Variants in SEPTIN7 observed in about 807,000 individuals in gnomAD.
SEPTIN7 encodes the protein septin-7.
In SEPTIN7, 10 loss-of-function variants were observed where a neutral mutation model predicts 63.3. The observed-to-expected ratio is 0.16, with a 90% CI of 0.10 to 0.27. SEPTIN7 has a LOEUF of 0.27. SEPTIN7 is among the 10% of genes least tolerant of loss of function. The probability of loss-of-function intolerance (pLI) is 1.00; values close to 1 mark genes in which losing one functional copy is unlikely to be tolerated. For synonymous variants in SEPTIN7, 131 were observed against 165.3 expected (o/e 0.79, Z 1.59); for missense variants, 310 against 521.0 (o/e 0.59, Z 3.94).
intron 4 of SEPTIN7, among the ~76,000 whole-genome samples, chr7:35,870,841 A>G (rs1318764950): frequency 6.6e-6 from 1 of 151,872 alleles, no homozygotes; most frequent in Non-Finnish European, 1.5e-5. Context: ...AAAAAAAAAA[A>G]AAATGTTTTT....
the SEPTIN7 span, among the ~76,000 whole-genome samples, chr7:35,913,781 G>A: frequency 2.0e-5 from 3 of 152,058 alleles, no homozygotes; most frequent in Non-Finnish European, 4.4e-5. Flanking sequence ...GTAGTAACAG[G>A]ATTTCACCAC....
chr7:35,901,223 C>G (rs1423938167), intron 12 of SEPTIN7: 1 of 152,136 alleles, frequency 6.6e-6, no homozygotes, highest in Non-Finnish European at 1.5e-5. Flanking sequence ...TTGCCCATCT[C>G]TCCTTTATAG....
At chr7:35,849,541 G>T (rs1784854435) in intron 3 of SEPTIN7, among the ~76,000 whole-genome samples, 1 of 152,148 alleles carries the variant, frequency 6.6e-6, no homozygotes, top group Non-Finnish European at 1.5e-5. Context: ...ACGGACTGTG[G>T]GTTGGGGATG....
At chr7:35,892,024 A>G (rs1276459299) in intron 11 of SEPTIN7, among the ~76,000 whole-genome samples, 1 of 152,218 alleles carries the variant, frequency 6.6e-6, no homozygotes. Context: ...GCCACTGGGC[A>G]GTAGGAATCT....
intron 10 of SEPTIN7, among the ~76,000 whole-genome samples, chr7:35,889,420 C>T (rs1396155499): frequency 6.6e-6 from 1 of 151,978 alleles, no homozygotes; most frequent in African/African-American, 2.4e-5. Context: ...AATGTCAGTA[C>T]GAAATGAATC....
intron 11 of SEPTIN7, among the ~76,000 whole-genome samples, chr7:35,896,792 T>C (rs1430034573): frequency 6.6e-6 from 1 of 152,238 alleles, no homozygotes; most frequent in African/African-American, 2.4e-5. Flanking sequence ...AAGTTTTCTT[T>C]TAGTGAAGAA....
At chr7:35,821,885 T>G (rs914388500) in intron 1 of SEPTIN7, among the ~76,000 whole-genome samples, 1 of 152,144 alleles carries the variant, frequency 6.6e-6, no homozygotes, top group Non-Finnish European at 1.5e-5. Flanking sequence ...TTCAGATGAT[T>G]CTCCTGCCTC....
intron 9 of SEPTIN7, among the ~76,000 whole-genome samples, chr7:35,884,977 ATTTGATTGTT>A (rs1405997636): frequency 1.3e-5 from 2 of 151,612 alleles, no homozygotes; most frequent in Non-Finnish European, 2.9e-5. Flanking sequence ...CAAAATTGAG[ATTTGATTGTT>A]TTATCTGTTT....
Position 35,871,986 on chromosome 7 carries a change from C to T in SEPTIN7, c.277-680C>T, listed in dbSNP as rs1470182221. Among the ~76,000 whole-genome samples the T allele has an allele frequency of 2.0e-5, 3 of 152,008 alleles. 1 individual carries two copies. The highest frequency in any genetic ancestry group is 7.3e-5 in the African/African-American group (3 of 41,378). ...AGGAACTGTTGTTATCATTTAAGTC[C>T]AATAATCAGTTAGTAAGGTTTCACC... On this transcript the variant is annotated intron_variant, in intron 4 of 13. Transcript: ENST00000350320.
chr7:35,851,007 A>C (rs560335430), intron 3 of SEPTIN7, among the ~76,000 whole-genome samples: 1 of 152,296 alleles, frequency 6.6e-6, no homozygotes, highest in Admixed American at 6.5e-5. Flanking sequence ...TCCCAATCCC[A>C]AAGACCTGAA....
intron 3 of SEPTIN7, among the ~76,000 whole-genome samples, chr7:35,844,506 G>A (rs1235684623): frequency 6.6e-6 from 1 of 152,184 alleles, no homozygotes; most frequent in African/African-American, 2.4e-5. Context: ...ATCATACTTA[G>A]TCCAGTTTAA....
At chr7:35,833,837 A>G (rs937936112) in intron 3 of SEPTIN7, among the ~76,000 whole-genome samples, 4 of 151,950 alleles carry the variant, frequency 2.6e-5, no homozygotes, top group Non-Finnish European at 4.4e-5. Context: ...TAGCTGTGAA[A>G]TACTCCTTTA....
At chr7:35,896,625 C>CA (rs1032801513) in intron 11 of SEPTIN7, among the ~76,000 whole-genome samples, 6 of 152,078 alleles carry the variant, frequency 3.9e-5, no homozygotes, top group Non-Finnish European at 7.4e-5. Flanking sequence ...CAACTTTTAA[C>CA]AAAAAAAGAT....
chr7:35,815,474 CTT>C (rs945442562), intron 1 of SEPTIN7, among the ~76,000 whole-genome samples: 3 of 152,182 alleles, frequency 2.0e-5, no homozygotes, highest in Non-Finnish European at 4.4e-5. Flanking sequence ...TAGCCTTTCT[CTT>C]TTCCTTGTAA....
At chr7:35,842,117 G>T (rs1489373100) in intron 3 of SEPTIN7, among the ~76,000 whole-genome samples, 3 of 152,088 alleles carry the variant, frequency 2.0e-5, no homozygotes, top group African/African-American at 4.8e-5. Context: ...TATGAATCGG[G>T]TTTAGTCTCT....
intron 3 of SEPTIN7, among the ~76,000 whole-genome samples, chr7:35,854,090 A>G (rs1785084846): frequency 6.6e-6 from 1 of 152,132 alleles, no homozygotes. Context: ...CAGTTTTTGG[A>G]TTTTGGATTT....
chr7:35,816,484 T>C (rs1246700043), intron 1 of SEPTIN7, among the ~76,000 whole-genome samples: 1 of 152,150 alleles, frequency 6.6e-6, no homozygotes, highest in African/African-American at 2.4e-5. Context: ...TTAGTTGATA[T>C]TTGGGTTGTT....
At chr7:35,867,678 C>T (rs1467000959) in intron 4 of SEPTIN7, among the ~76,000 whole-genome samples, 1 of 152,150 alleles carries the variant, frequency 6.6e-6, no homozygotes. Context: ...AATCATACTT[C>T]ATGTCACTGA....
chr7:35,855,339 C>CT (rs1466336304), intron 3 of SEPTIN7, among the ~76,000 whole-genome samples: 1 of 152,132 alleles, frequency 6.6e-6, no homozygotes, highest in Non-Finnish European at 1.5e-5. Context: ...ACAAACAGTG[C>CT]TTAGGTTCCT....
Sources: gnomAD v4.1 joint callset for allele counts (sites outside exome capture counted in the v4.1 genomes callset) on GRCh38, gnomAD v4.1.1 for gene constraint, MANE v1.5 for transcripts, NCBI Gene and HGNC (gene_info 2026-07-23, HGNC 2026-07-21) for gene names.